The following RELN variants were observed in gnomAD, a reference collection of about 807,000 sequenced individuals.
RELN encodes the protein reelin.
Under a neutral mutation model 427.6 loss-of-function variants are expected in RELN, and 108 were observed. The ratio of observed to expected loss-of-function variants is 0.25; its 90% CI spans 0.22 to 0.30. RELN has a LOEUF of 0.30. RELN is among the 10% of genes least tolerant of loss of function. RELN has a pLI of 1.00. For synonymous variants in RELN, 1,524 were observed against 1,513.4 expected (o/e 1.01, Z -0.16); for missense variants, 3,715 against 4,302.8 (o/e 0.86, Z 3.82).
At chr7:103,530,059 T>C (rs528739478) in intron 46 of RELN, among the ~76,000 whole-genome samples, 11 of 152,288 alleles carry the variant, frequency 7.2e-5, no homozygotes, top group African/African-American at 2.4e-4. Context: ...CACTCTCTTA[T>C]GGAGGCAGGT....
At chr7:103,669,195 C>T (rs956600907) in intron 11 of RELN, among the ~76,000 whole-genome samples, 1 of 152,130 alleles carries the variant, frequency 6.6e-6, no homozygotes, top group African/African-American at 2.4e-5. Flanking sequence ...AGTGAAGTTA[C>T]TTCCTTTAGA....
rs974586687 is a variant in RELN at position 103,800,393 on chromosome 7, CAA to C, written c.474-23768_474-23767del. 3.3e-5 allele frequency among the ~76,000 whole-genome samples: 5 copies of C among 152,064 alleles called. No homozygotes were observed. In the South Asian group the frequency reaches 6.2e-4, roughly 19 times the overall value. ...AGTGAACTCCCATTCACAATTGCTACAAAGAGAATAAAATACCTCAGAAGTAA... is the reference window on the plus strand; with the variant it reads ...AGTGAACTCCCATTCACAATTGCTACAGAGAATAAAATACCTCAGAAGTAA... On this transcript the variant is annotated intron_variant, in intron 3 of 64. Coordinates refer to ENST00000428762, the MANE Select transcript of RELN (RefSeq NM_005045.4).
Position 103,732,862 on chromosome 7 carries a change from G to A in RELN, c.657-4655C>T, listed in dbSNP as rs201109545. Among the ~76,000 whole-genome samples, 8 of 152,146 alleles carry A rather than the reference G, an allele frequency of 5.3e-5. No individual in the cohort carries two copies. In the East Asian group the frequency reaches 1.2e-3, roughly 22 times the overall value. On this transcript the variant is annotated intron_variant, in intron 6 of 64. Transcript: ENST00000428762. ...TTGCGAAAATTTTCTCCCATTTGTAGGTTGCCTGTTCACTCTGATGGTAGT... is the reference window on the plus strand; with the variant it reads ...TTGCGAAAATTTTCTCCCATTTGTAAGTTGCCTGTTCACTCTGATGGTAGT...
At chr7:103,723,268 G>A in intron 7 of RELN, 77 bp from the exon 8 acceptor site, 4 of 844,610 alleles carry the variant, frequency 4.7e-6, no homozygotes. Context: ...AGGGGTACGG[G>A]GAGGGGAAGA....
intron 3 of RELN, among the ~76,000 whole-genome samples, chr7:103,799,173 A>G (rs2116303734): frequency 6.6e-6 from 1 of 152,306 alleles, no homozygotes; most frequent in African/African-American, 2.4e-5. Flanking sequence ...TATCTATATT[A>G]AGTAACTAAT....
At chr7:103,615,060 A>G (rs1229996019) in intron 20 of RELN, among the ~76,000 whole-genome samples, 11 of 152,194 alleles carry the variant, frequency 7.2e-5, no homozygotes. Flanking sequence ...AATCATAGGA[A>G]CAGAAAAGAA....
At chr7:103,822,223 T>G (rs1378548676) in intron 3 of RELN, among the ~76,000 whole-genome samples, 2 of 152,024 alleles carry the variant, frequency 1.3e-5, no homozygotes, top group East Asian at 3.9e-4. Flanking sequence ...TTAAAAAATA[T>G]TGTTAATATT....
At chr7:103,676,345 A>G (rs1833523767) in intron 11 of RELN, among the ~76,000 whole-genome samples, 1 of 152,316 alleles carries the variant, frequency 6.6e-6, no homozygotes, top group Admixed American at 6.5e-5. Context: ...GTGAGATACC[A>G]TCTCACACCA....
intron 6 of RELN, among the ~76,000 whole-genome samples, chr7:103,735,948 T>G (rs937597574): frequency 6.6e-6 from 1 of 152,218 alleles, no homozygotes; most frequent in African/African-American, 2.4e-5. Flanking sequence ...TTCTGATTAC[T>G]TAAAGTTCTT....
intron 1 of RELN, among the ~76,000 whole-genome samples, chr7:103,940,018 TATTA>T (rs1313407557): frequency 8.5e-5 from 13 of 152,224 alleles, no homozygotes; most frequent in Admixed American, 7.2e-4. Flanking sequence ...GTATATTATT[TATTA>T]TTTTTCTATA....
chr7:103,880,188 T>A (rs1174045003), intron 2 of RELN, among the ~76,000 whole-genome samples: 1 of 151,826 alleles, frequency 6.6e-6, no homozygotes, highest in Admixed American at 6.6e-5. Flanking sequence ...ACATCCACCA[T>A]CACAAGCAGA....
At position 103,489,878 on chromosome 7, in the gene RELN, G is replaced by C. The variant is rs779071169; in HGVS notation, c.9627C>G (p.Ile3209Met). 5.0e-6 allele frequency: 8 copies of C among 1,614,036 alleles called. No individual in the cohort carries two copies. Among genetic ancestry groups the C allele is most frequent in the Non-Finnish European group, 6.8e-6 (8 of 1,180,048 alleles). Residue 3209 changes from isoleucine (I) to methionine (M), a missense_variant, in exon 60 of 65, where the codon ATC becomes ATG. Physicochemically the swap from Ile to Met is conservative, Grantham distance 10. This residue lies in a region of RELN where 1,310 missense variants were observed against 1,643.0 expected (regional missense o/e 0.80). Coordinates refer to ENST00000428762, the MANE Select transcript of RELN (RefSeq NM_005045.4). ...GCTTCTCAGTTTCTTCTCCCTTCTG[G>C]ATCCAGCGGAACTGTGTTGCACTGA... ...VSSSATQFRW[I>M]QKGEETEKQS...
intron 60 of RELN, among the ~76,000 whole-genome samples, chr7:103,489,206 GTGTGTGT>G: frequency 6.9e-6 from 1 of 144,746 alleles, no homozygotes; most frequent in Admixed American, 7.1e-5. Flanking sequence ...ATAAAGGGGT[GTGTGTGT>G]GTGTGTGTGT....
At chr7:103,652,149 C>T (rs1832930086) in intron 14 of RELN, among the ~76,000 whole-genome samples, 1 of 151,756 alleles carries the variant, frequency 6.6e-6, no homozygotes, top group South Asian at 2.1e-4. Flanking sequence ...AACACTTGGG[C>T]AAGTGAAACT....
intron 2 of RELN, among the ~76,000 whole-genome samples, chr7:103,914,736 C>T (rs1301365322): frequency 6.6e-6 from 1 of 152,102 alleles, no homozygotes; most frequent in Non-Finnish European, 1.5e-5. Context: ...ATGAATACTG[C>T]ATCTACAAGC....
intron 2 of RELN, among the ~76,000 whole-genome samples, chr7:103,847,404 C>T (rs994874601): frequency 6.6e-6 from 1 of 152,026 alleles, no homozygotes; most frequent in Non-Finnish European, 1.5e-5. Context: ...CATCACACAC[C>T]AGGGCCTGCC....
Position 103,868,905 on chromosome 7 carries a change from T to G in RELN, c.338-35233A>C, listed in dbSNP as rs146927806. Among the ~76,000 whole-genome samples, 674 of 152,256 alleles carry G rather than the reference T, an allele frequency of 4.4e-3. 3 individuals are homozygous for G. The highest frequency in any genetic ancestry group is 0.016 in the African/African-American group (653 of 41,570). ...TTATACATATTGTTTGCAGAGTATA[T>G]ATTTTCACTTTCAATCTATTTGCTT... On this transcript the variant is annotated intron_variant, in intron 2 of 64. Coordinates refer to ENST00000428762, the MANE Select transcript of RELN (RefSeq NM_005045.4).
chr7:103,848,606 A>G (rs1270170448), intron 2 of RELN, among the ~76,000 whole-genome samples: 1 of 152,146 alleles, frequency 6.6e-6, no homozygotes, highest in East Asian at 1.9e-4. Context: ...TGCACTCTTC[A>G]ATATCCAGTC....
chr7:103,800,226 A>G (rs1792412438), intron 3 of RELN, among the ~76,000 whole-genome samples: 1 of 152,202 alleles, frequency 6.6e-6, no homozygotes, highest in African/African-American at 2.4e-5. Flanking sequence ...ATGATTGTAT[A>G]TTTAGAAAAC....
Sources: gnomAD v4.1 joint callset for allele counts (sites outside exome capture counted in the v4.1 genomes callset) on GRCh38, gnomAD v4.1.1 for gene constraint, gnomAD v4.1.1 regional missense constraint, MANE v1.5 for transcripts, NCBI Gene and HGNC (gene_info 2026-07-23, HGNC 2026-07-21) for gene names.